SPART: variants seen among roughly 807,000 people sequenced by gnomAD.
SPART encodes the protein spartin, also known as spastic paraplegia 20 (Troyer syndrome).
SPART carries 35 observed loss-of-function variants against 58.7 expected under a neutral mutation model. The ratio of observed to expected loss-of-function variants is 0.60; its 90% CI spans 0.46 to 0.79. The LOEUF (loss-of-function observed/expected upper bound fraction) is 0.79, where lower values mean the gene tolerates loss of function less well. SPART is among the 30% of genes least tolerant of loss of function. The pLI, the probability that SPART is intolerant of heterozygous loss-of-function variation, is 0.00. For missense variants in SPART, 730 were observed against 786.1 expected (o/e 0.93, Z 0.85); for synonymous variants, 284 against 280.7 (o/e 1.01, Z -0.12).
intron 4 of SPART, among the ~76,000 whole-genome samples, chr13:36,328,342 A>G (rs899028539): frequency 3.3e-5 from 5 of 152,208 alleles, no homozygotes; most frequent in Non-Finnish European, 7.3e-5. Context: ...GATACTCAAG[A>G]CAATGCTGTT....
At chr13:36,355,301 C>T (rs776639895) in intron 1 of SPART, among the ~76,000 whole-genome samples, 1 of 152,158 alleles carries the variant, frequency 6.6e-6, no homozygotes, top group African/African-American at 2.4e-5. Flanking sequence ...ACTGGGATTA[C>T]AGGCATGCAC....
chr13:36,308,782 A>G (rs1880774119), intron 8 of SPART, among the ~76,000 whole-genome samples: 2 of 152,180 alleles, frequency 1.3e-5, no homozygotes, highest in Admixed American at 1.3e-4. Flanking sequence ...ATAAAGAACT[A>G]TTTTTCTAAT....
chr13:36,304,599 A>G lies in SPART; in HGVS notation c.1767T>C (p.His589=). The part of the protein sequence containing the change: ...YGYNAGEATH[H]AVDSAVNVGV... ...CAACATTGACCGCAGAATCCACCGC[A>G]TGGTGGGTAGCTTCTCCTGCATTAT... The change falls in exon 9 of 9, where the codon CAT becomes CAC. Residue 589 remains histidine (H), a synonymous_variant. Coordinates refer to ENST00000438666, the MANE Select transcript of SPART (RefSeq NM_015087.5). 2 of 1,614,088 alleles carry G rather than the reference A, an allele frequency of 1.2e-6. No homozygotes were observed. The highest frequency in any genetic ancestry group is 1.7e-6 in the Non-Finnish European group (2 of 1,179,962).
At chr13:36,316,519 C>A (rs940901180) in intron 5 of SPART, among the ~76,000 whole-genome samples, 1 of 152,158 alleles carries the variant, frequency 6.6e-6, no homozygotes, top group African/African-American at 2.4e-5. Context: ...TGTGAAAGTC[C>A]TTTTCCTGGC....
At position 36,335,663 on chromosome 13, in the gene SPART, C is replaced by T. The variant is rs1883934762; in HGVS notation, c.168G>A (p.Gly56=). ...YKQGIGHLLR[G]ISISSKESEH... is the part of the protein sequence containing the mutation. ...CAGACTCTTTTGATGAAATGCTGAT[C>T]CCTCTGAGCAGGTGTCCTATTCCTT... The change falls in exon 2 of 9, where the codon GGG becomes GGA. Residue 56 remains glycine, a synonymous_variant. Coordinates refer to ENST00000438666, the MANE Select transcript of SPART (RefSeq NM_015087.5). The T allele has an allele frequency of 6.2e-7, 1 of 1,614,014 alleles. No homozygotes were observed. Among genetic ancestry groups the T allele is most frequent in the Admixed American group, 1.7e-5 (1 of 59,992 alleles).
upstream of SPART, among the ~76,000 whole-genome samples, chr13:36,347,894 C>G (rs578257436): frequency 6.6e-6 from 1 of 152,170 alleles, no homozygotes; most frequent in Non-Finnish European, 1.5e-5. Context: ...ACTACATGAA[C>G]AAGCTTTTAA....
At chr13:36,309,578 T>G (rs981582154) in intron 8 of SPART, among the ~76,000 whole-genome samples, 2 of 152,180 alleles carry the variant, frequency 1.3e-5, no homozygotes, top group African/African-American at 4.8e-5. Context: ...ATCATATCCT[T>G]TGCAGCAACA....
chr13:36,335,246 T>G lies in SPART; in HGVS notation c.585A>C (p.Ser195=). The G allele has an allele frequency of 1.2e-6, 2 of 1,614,128 alleles. No homozygotes were observed. The highest frequency in any genetic ancestry group is 1.7e-6 in the Non-Finnish European group (2 of 1,180,020). The change falls in exon 2 of 9, where the codon TCA becomes TCC. Residue 195 remains serine (S), a synonymous_variant. Coordinates refer to ENST00000438666, the MANE Select transcript of SPART (RefSeq NM_015087.5). ...VSYGTDSGEF[S]SVGEEFYRNH... ...TCCTATAAAACTCCTCTCCAACTGA[T>G]GAAAACTCCCCAGAATCTGTTCCAT...
intron 8 of SPART, among the ~76,000 whole-genome samples, chr13:36,309,254 A>C (rs1314937772): frequency 6.6e-6 from 1 of 151,938 alleles, no homozygotes; most frequent in Non-Finnish European, 1.5e-5. Context: ...AAAAAAAAAA[A>C]AAAAACTGAC....
chr13:36,304,233 A>G lies in SPART; in HGVS notation c.*132T>C, dbSNP rs1366804517. ...AAATAGAAGACATGCCATAAAATTT[A>G]TGAAAGTTAATTTGTAGGAATGAAT... On this transcript the variant is annotated 3_prime_UTR_variant, in exon 9 of 9. Transcript: ENST00000438666. The G allele has an allele frequency of 2.2e-5, 24 of 1,094,982 alleles. No individual in the cohort carries two copies. Among genetic ancestry groups the G allele is most frequent in the Non-Finnish European group, 3.1e-5 (23 of 739,522 alleles). 67.8% of individuals were successfully genotyped at this position (1,094,982 alleles called of 1,614,324 possible).
chr13:36,312,361 G>A lies in SPART; in HGVS notation c.1600C>T (p.Pro534Ser), dbSNP rs763228029. 4 of 1,613,968 alleles carry A rather than the reference G, an allele frequency of 2.5e-6. No homozygotes were observed. The Admixed American group carries it at 6.7e-5, about 27-fold the overall frequency. The change falls in exon 7 of 9, where the codon CCT becomes TCT. Residue 534 changes from proline (P) to serine (S), a missense_variant. Pro to Ser is a moderately conservative substitution (Grantham distance 74, BLOSUM62 -1). Coordinates refer to ENST00000438666, the MANE Select transcript of SPART (RefSeq NM_015087.5). The part of the protein sequence containing the change: ...SLKKDKDGKS[P>S]LDGAMVVAAS... ...GCTACAACCATAGCACCATCCAGAG[G>A]AGATTTCCCATCTTTGTCTTTTTTA...
intron 1 of SPART, among the ~76,000 whole-genome samples, chr13:36,356,716 A>G (rs529708828): frequency 1.3e-5 from 2 of 152,310 alleles, no homozygotes; most frequent in South Asian, 4.1e-4. Context: ...CCTTGGGCAC[A>G]TGTTCTCAGG....
At chr13:36,365,122 G>A (rs573047479) in intron 1 of SPART, among the ~76,000 whole-genome samples, 63 of 152,300 alleles carry the variant, frequency 4.1e-4, no homozygotes, top group African/African-American at 1.4e-3. Flanking sequence ...CACGTGTCCT[G>A]CTGCTGCCAG....
Position 36,335,741 on chromosome 13 carries a change from A to G in SPART, c.90T>C (p.Gly30=), listed in dbSNP as rs1883947687. Residue 30 remains glycine (G), a synonymous_variant, in exon 2 of 9, where the codon GGT becomes GGC. Coordinates refer to ENST00000438666, the MANE Select transcript of SPART (RefSeq NM_015087.5). ...TCTGACCTAATTCATCTGTATTCAG[A>G]CCTTTGTTAACAAATAAAAAGGCCT... ...YKKAFLFVNK[G]LNTDELGQKE... The G allele has an allele frequency of 6.2e-7, 1 of 1,614,008 alleles. No individual in the cohort carries two copies. The highest frequency in any genetic ancestry group is 8.5e-7 in the Non-Finnish European group (1 of 1,179,964).
rs1245566551 is a variant in SPART at position 36,329,582 on chromosome 13, A to T, written c.1009-65T>A. On this transcript the variant is annotated intron_variant, in intron 3 of 8. Coordinates refer to ENST00000438666, the MANE Select transcript of SPART (RefSeq NM_015087.5). Reference sequence around the variant, plus strand: ...TTTCTTAGATGGCTTTCTGCCAGCTATATTACACCATGCTCAAATGACATA... The same window carrying T: ...TTTCTTAGATGGCTTTCTGCCAGCTTTATTACACCATGCTCAAATGACATA... 2.0e-6 allele frequency: 3 copies of T among 1,477,702 alleles called. No homozygotes were observed. In the African/African-American group the frequency reaches 4.2e-5, roughly 21 times the overall value. 91.5% of individuals were successfully genotyped at this position (1,477,702 alleles called of 1,614,324 possible).
intron 1 of SPART, among the ~76,000 whole-genome samples, chr13:36,359,933 A>AAAC (rs1555266111): frequency 3.1e-4 from 47 of 151,232 alleles, no homozygotes; most frequent in East Asian, 2.5e-3. Flanking sequence ...TAAAAAAAAA[A>AAAC]AAAAAAAAAC....
chr13:36,353,407 G>A (rs1885499445), intron 1 of SPART, among the ~76,000 whole-genome samples: 1 of 152,198 alleles, frequency 6.6e-6, no homozygotes, highest in Admixed American at 6.5e-5. Flanking sequence ...CAAAGCAAAT[G>A]TCAATGCCCT....
chr13:36,304,684 G>A (rs1369946652), intron 8 of SPART, 52 bp from the exon 9 acceptor site: 1 of 1,570,172 alleles, frequency 6.4e-7, no homozygotes, highest in East Asian at 2.3e-5. Context: ...TATAAAATAA[G>A]GTCTTCTGAA....
At chr13:36,344,620 C>T (rs1286928911) in intron 1 of SPART, among the ~76,000 whole-genome samples, 3 of 152,056 alleles carry the variant, frequency 2.0e-5, no homozygotes, top group African/African-American at 7.2e-5. Flanking sequence ...TTTGCTATAT[C>T]CTCAGCGGTC....
Sources: allele counts gnomAD v4.1 joint callset (sites outside exome capture counted in the v4.1 genomes callset), GRCh38; gene constraint gnomAD v4.1.1; transcripts MANE v1.5; gene names NCBI Gene and HGNC (gene_info 2026-07-23, HGNC 2026-07-21).